CEP162: variants seen among roughly 807,000 people sequenced by gnomAD.
CEP162 encodes centrosomal protein of 162 kDa.
A neutral mutation model predicts 169.2 loss-of-function variants in CEP162; 141 were observed. The observed-to-expected ratio is 0.83, with a 90% CI of 0.73 to 0.96. The LOEUF is 0.96. Ranked by LOEUF, CEP162 falls within the 40% of genes least tolerant of loss-of-function variation. The pLI is 0.00. For synonymous variants in CEP162, 540 were observed against 526.4 expected, an observed-to-expected ratio of 1.03 and a Z score of -0.35; for missense variants, 1,600 against 1,587.2, an observed-to-expected ratio of 1.01 and a Z score of -0.14.
chr6:84,132,173 A>G (rs1036505055), intron 25 of CEP162, among the ~76,000 whole-genome samples: 11 of 151,914 alleles, frequency 7.2e-5, no homozygotes, highest in African/African-American at 2.4e-4. Flanking sequence ...GTTGGCCCCC[A>G]CTCTCTTCTG....
chr6:84,156,303 A>G (rs1347546180), intron 21 of CEP162, among the ~76,000 whole-genome samples: 1 of 152,184 alleles, frequency 6.6e-6, no homozygotes, highest in Non-Finnish European at 1.5e-5. Context: ...ACTTTTGAAC[A>G]CTGGCCCAGG....
intron 16 of CEP162, among the ~76,000 whole-genome samples, chr6:84,173,686 C>CTT (rs3066635): frequency 0.017 from 2,340 of 140,510 alleles, 88 homozygotes; most frequent in African/African-American, 0.059. Flanking sequence ...TTTAATATAC[C>CTT]TTTTTTTTTT....
intron 22 of CEP162, among the ~76,000 whole-genome samples, chr6:84,154,314 ATCTATCTATC>A (rs1562019890): frequency 7.3e-6 from 1 of 137,236 alleles, no homozygotes; most frequent in African/African-American, 3.5e-5. Context: ...TATCAGGGAT[ATCTATCTATC>A]TATCTATCTG....
rs1402200819 is a variant in CEP162 at position 84,124,660 on chromosome 6, A to C, written c.*410T>G. On this transcript the variant is annotated 3_prime_UTR_variant, in exon 27 of 27. Coordinates refer to ENST00000403245, the MANE Select transcript of CEP162 (RefSeq NM_014895.4). ...AATATTTGGATGATGGGTACACTAG[A>C]AGCCCAATTCCCACCATTATTCAAT... 8.4e-6 allele frequency: 2 copies of C among 237,970 alleles called. No individual in the cohort carries two copies. Among genetic ancestry groups the C allele is most frequent in the Non-Finnish European group, 1.6e-5 (2 of 124,316 alleles). 14.7% of individuals were successfully genotyped at this position (237,970 alleles called of 1,614,324 possible). A position where few individuals can be genotyped will look rare whatever the true frequency, so the allele number is the denominator to read the frequency against.
rs541836126 is a variant in CEP162 at position 84,142,455 on chromosome 6, T to C, written c.3870+4232A>G. 3.3e-5 allele frequency among the ~76,000 whole-genome samples: 5 copies of C among 152,272 alleles called. No homozygotes were observed. The South Asian group carries it at 8.3e-4, about 25-fold the overall frequency. ...ATTTTTTTTCTACCTTTGGACGGTA[T>C]TGTCAAAAGTAATTCATAAAAGAGC... On this transcript the variant is annotated intron_variant, in intron 25 of 26. Coordinates refer to ENST00000403245, the MANE Select transcript of CEP162 (RefSeq NM_014895.4).
intron 25 of CEP162, among the ~76,000 whole-genome samples, chr6:84,128,804 T>C (rs1182560304): frequency 6.6e-6 from 1 of 152,120 alleles, no homozygotes; most frequent in African/African-American, 2.4e-5. Flanking sequence ...CAACCCGTCA[T>C]CTACATTAGG....
At chr6:84,132,429 G>A (rs1188182910) in intron 25 of CEP162, among the ~76,000 whole-genome samples, 2 of 152,176 alleles carry the variant, frequency 1.3e-5, no homozygotes, top group Non-Finnish European at 2.9e-5. Context: ...ATAATATCCT[G>A]AAGAGTGTTT....
At chr6:84,143,373 A>T (rs1040759359) in intron 25 of CEP162, among the ~76,000 whole-genome samples, 5 of 152,054 alleles carry the variant, frequency 3.3e-5, no homozygotes, top group African/African-American at 1.2e-4. Context: ...TAAGAAATTA[A>T]TGTTACTAAG....
intron 25 of CEP162, among the ~76,000 whole-genome samples, chr6:84,144,339 G>A (rs546240930): frequency 6.6e-6 from 1 of 152,086 alleles, no homozygotes; most frequent in South Asian, 2.1e-4. Context: ...AATCTGGTAT[G>A]TCTTGGTATG....
intron 24 of CEP162, 66 bp downstream of exon 24, chr6:84,149,496 C>G: frequency 7.8e-7 from 1 of 1,289,038 alleles, no homozygotes; most frequent in Non-Finnish European, 1.0e-6. Context: ...ACAATGTTAA[C>G]TTTAATCTCA....
chr6:84,227,058 T>C (rs1245083400), intron 1 of CEP162, among the ~76,000 whole-genome samples: 2 of 152,232 alleles, frequency 1.3e-5, no homozygotes, highest in East Asian at 1.9e-4. Context: ...ACTATGTTTC[T>C]TTTGAAGCGA....
At chr6:84,194,521 T>C (rs1420888192) in intron 10 of CEP162, among the ~76,000 whole-genome samples, 2 of 151,868 alleles carry the variant, frequency 1.3e-5, no homozygotes, top group African/African-American at 4.8e-5. Flanking sequence ...TGGCGCAATA[T>C]TGGCTCACTG....
chr6:84,132,932 C>T (rs1181105197), intron 25 of CEP162, among the ~76,000 whole-genome samples: 3 of 152,174 alleles, frequency 2.0e-5, no homozygotes, highest in African/African-American at 7.2e-5. Flanking sequence ...GGAGAAGAGG[C>T]ACTCTGATTT....
chr6:84,201,265 G>A (rs550098125), intron 8 of CEP162, among the ~76,000 whole-genome samples: 117 of 150,190 alleles, frequency 7.8e-4, no homozygotes, highest in Non-Finnish European at 1.0e-3. Context: ...GCAACAGAGC[G>A]AGAGTCTGTC....
rs983960329 is a variant in CEP162 at position 84,126,132 on chromosome 6, A to G, written c.4005+246T>C. 2.0e-5 allele frequency among the ~76,000 whole-genome samples: 3 copies of G among 152,110 alleles called. No individual in the cohort carries two copies. The South Asian group carries it at 6.2e-4, about 31-fold the overall frequency. On this transcript the variant is annotated intron_variant, in intron 26 of 26. Coordinates refer to ENST00000403245, the MANE Select transcript of CEP162 (RefSeq NM_014895.4). ...ATGTGTAAGTTTTTAGGAATCCATC[A>G]ATAATTAAGAACATGATACAAGTTT...
chr6:84,195,104 TA>T, intron 9 of CEP162, 29 bp from the exon 10 acceptor site: 1 of 1,475,892 alleles, frequency 6.8e-7, no homozygotes, highest in Non-Finnish European at 9.2e-7. Context: ...TCACCAGAAA[TA>T]ATTACATCAC....
intron 13 of CEP162, among the ~76,000 whole-genome samples, chr6:84,181,136 G>A (rs2099534641): frequency 6.6e-6 from 1 of 152,160 alleles, no homozygotes; most frequent in African/African-American, 2.4e-5. Context: ...AAACAGCATG[G>A]TACTGGTAAA....
chr6:84,152,779 GC>G lies in CEP162; in HGVS notation c.3394del (p.Ala1132ProfsTer48). The G allele has an allele frequency of 6.2e-7, 1 of 1,613,386 alleles. No individual in the cohort carries two copies. Among genetic ancestry groups the G allele is most frequent in the Non-Finnish European group, 8.5e-7 (1 of 1,179,702 alleles). ...CAAAACATCTTTCTTTGCCCTTTTG[GC>G]AGACATTTCCTCTCTGCCCTTTGAG... is the stretch of plus-strand genomic sequence containing the variant. Reference protein sequence around the residue: ...QNSKGREEMSAKRAKKDVLHS... With the variant: ...QNSKGREEMSXKRAKKDVLHS... On this transcript the variant is annotated frameshift_variant, in exon 23 of 27. Coordinates refer to ENST00000403245, the MANE Select transcript of CEP162 (RefSeq NM_014895.4). LOFTEE classifies it high-confidence loss of function.
In CEP162 at chr6:84,208,365, C is replaced by T. The variant is rs539609664; in HGVS notation, c.572-4269G>A. Reference sequence around the variant, plus strand: ...AACACCTTTTCAGAGTGGAACTGATCATTTTGGAAACAAACATGATCTAAT... The same window carrying T: ...AACACCTTTTCAGAGTGGAACTGATTATTTTGGAAACAAACATGATCTAAT... On this transcript the variant is annotated intron_variant, in intron 6 of 26. Transcript: ENST00000403245. Among the ~76,000 whole-genome samples, 10 of 152,264 alleles carry T rather than the reference C, an allele frequency of 6.6e-5. No individual in the cohort carries two copies. In the East Asian group the frequency reaches 1.5e-3, roughly 23 times the overall value.
Sources: gnomAD v4.1 joint callset for allele counts (sites outside exome capture counted in the v4.1 genomes callset) on GRCh38, gnomAD v4.1.1 for gene constraint, MANE v1.5 for transcripts, NCBI Gene and HGNC (gene_info 2026-07-23, HGNC 2026-07-21) for gene names.